Variants in CCT6B observed in about 807,000 individuals in gnomAD.
The protein encoded by CCT6B is chaperonin containing TCP1 subunit 6B, also known as probable T-complex protein 1 subunit zeta-2.
Under a neutral mutation model 61.5 loss-of-function variants are expected in CCT6B, and 49 were observed. The observed-to-expected ratio is 0.80, with a 90% CI of 0.63 to 1.01. The LOEUF is 1.01. Ranked by LOEUF, CCT6B falls within the 50% of genes least tolerant of loss-of-function variation. The pLI, the probability that CCT6B is intolerant of heterozygous loss-of-function variation, is 0.00. For missense variants in CCT6B, 666 were observed against 634.7 expected (o/e 1.05, Z -0.53); for synonymous variants, 228 against 214.5 (o/e 1.06, Z -0.55).
intron 3 of CCT6B, among the ~76,000 whole-genome samples, chr17:34,956,398 T>G (rs2142180946): frequency 6.6e-6 from 1 of 152,338 alleles, no homozygotes; most frequent in South Asian, 2.1e-4. Flanking sequence ...CAGAGAGTTC[T>G]TCCTGACTAC....
chr17:34,931,612 T>G (rs1397944138), intron 11 of CCT6B, among the ~76,000 whole-genome samples: 1 of 152,188 alleles, frequency 6.6e-6, no homozygotes, highest in African/African-American at 2.4e-5. Context: ...TAATGTGTAC[T>G]GGGGTTACCA....
At chr17:34,928,264 C>T (rs1388538970) in intron 13 of CCT6B, 147 bp from the exon 14 acceptor site, 1 of 466,718 alleles carries the variant, frequency 2.1e-6, no homozygotes, top group Non-Finnish European at 3.9e-6. Flanking sequence ...AATACAAATA[C>T]AAATGTCACC....
intron 10 of CCT6B, among the ~76,000 whole-genome samples, chr17:34,938,037 A>G (rs1174519665): frequency 6.6e-6 from 1 of 151,878 alleles, no homozygotes; most frequent in African/African-American, 2.4e-5. Flanking sequence ...CTACAGGTAC[A>G]GGCCACCACG....
At chr17:34,941,643 T>C (rs1294295757) in intron 7 of CCT6B, among the ~76,000 whole-genome samples, 1 of 152,214 alleles carries the variant, frequency 6.6e-6, no homozygotes, top group Non-Finnish European at 1.5e-5. Context: ...AACCACAGTT[T>C]GTCTGTCAGT....
At chr17:34,940,060 A>G (rs1450234606) in intron 8 of CCT6B, among the ~76,000 whole-genome samples, 1 of 152,218 alleles carries the variant, frequency 6.6e-6, no homozygotes, top group Non-Finnish European at 1.5e-5. Context: ...GATTTTTAAA[A>G]AGAACAATAT....
intron 3 of CCT6B, among the ~76,000 whole-genome samples, chr17:34,957,119 TCTTTTTCTTTC>T (rs1189103106): frequency 3.4e-5 from 5 of 148,392 alleles, no homozygotes; most frequent in African/African-American, 1.0e-4. Context: ...AGTCTTACTT[TCTTTTTCTTTC>T]CTTTTTCTTT....
At chr17:34,946,008 CA>C (rs2090219749) in intron 5 of CCT6B, among the ~76,000 whole-genome samples, 1 of 152,160 alleles carries the variant, frequency 6.6e-6, no homozygotes, top group Admixed American at 6.5e-5. Context: ...AGAGCTCATC[CA>C]AGGTGGAGTG....
Position 34,961,425 on chromosome 17 carries a change from AG to A in CCT6B, c.-33del, listed in dbSNP as rs1235015473. ...ACCGTTCAGAGGGAGAAAAAAAAAAAGCCTTAGTCGCGATTCTGAGCAAAAA... is the reference window on the plus strand; with the variant it reads ...ACCGTTCAGAGGGAGAAAAAAAAAAACCTTAGTCGCGATTCTGAGCAAAAA... On this transcript the variant is annotated 5_prime_UTR_variant, in exon 1 of 14. Coordinates refer to ENST00000314144, the MANE Select transcript of CCT6B (RefSeq NM_006584.4). 2 of 1,563,200 alleles carry A rather than the reference AG, an allele frequency of 1.3e-6. No homozygotes were observed. The highest frequency in any genetic ancestry group is 2.8e-5 in the African/African-American group (2 of 72,402).
chr17:34,948,400 T>C (rs1461590045), intron 5 of CCT6B, among the ~76,000 whole-genome samples: 1 of 152,074 alleles, frequency 6.6e-6, no homozygotes, highest in African/African-American at 2.4e-5. Context: ...TACACAAAGA[T>C]ATGACAGGCA....
At chr17:34,937,462 G>A (rs934899535) in intron 10 of CCT6B, among the ~76,000 whole-genome samples, 5 of 152,024 alleles carry the variant, frequency 3.3e-5, no homozygotes, top group African/African-American at 4.8e-5. Flanking sequence ...AAGGCAATTC[G>A]GTGGTGAAAG....
chr17:34,942,285 G>A (rs2090172497), intron 7 of CCT6B, among the ~76,000 whole-genome samples, 199 bp downstream of exon 7: 1 of 151,904 alleles, frequency 6.6e-6, no homozygotes, highest in African/African-American at 2.4e-5. Context: ...TAAGGTGCCA[G>A]CAGTTTTACA....
At chr17:34,928,191 T>C (rs2089991007) in intron 13 of CCT6B, 74 bp from the exon 14 acceptor site, 4 of 849,266 alleles carry the variant, frequency 4.7e-6, no homozygotes, top group Non-Finnish European at 7.7e-6. Flanking sequence ...AATCTTTACC[T>C]ATGTAGGGTA....
intron 7 of CCT6B, among the ~76,000 whole-genome samples, chr17:34,942,091 CATA>C (rs915562027): frequency 1.7e-4 from 25 of 149,550 alleles, no homozygotes; most frequent in African/African-American, 6.1e-4. Context: ...TTTTGTCACA[CATA>C]ATAATAAAAG....
chr17:34,960,719 C>T (rs1350701266), intron 1 of CCT6B, among the ~76,000 whole-genome samples: 9 of 152,116 alleles, frequency 5.9e-5, no homozygotes, highest in Non-Finnish European at 1.3e-4. Context: ...TACCCTTTTG[C>T]CCTCACTGGT....
chr17:34,933,891 G>A (rs2090065061), intron 10 of CCT6B, among the ~76,000 whole-genome samples: 1 of 152,092 alleles, frequency 6.6e-6, no homozygotes, highest in African/African-American at 2.4e-5. Flanking sequence ...CACTTTGGGA[G>A]GCCAAGGCAG....
At position 34,942,495 on chromosome 17, in the gene CCT6B, T is replaced by G; in HGVS notation, c.874A>C (p.Ile292Leu). The G allele has an allele frequency of 6.3e-7, 1 of 1,588,434 alleles. No individual in the cohort carries two copies. Among genetic ancestry groups the G allele is most frequent in the Non-Finnish European group, 8.5e-7 (1 of 1,173,390 alleles). Residue 292 changes from isoleucine (I) to leucine (L), a missense_variant, in exon 7 of 14, where the codon ATT becomes CTT. Coordinates refer to ENST00000314144, the MANE Select transcript of CCT6B (RefSeq NM_006584.4). ...CAQSNKGFVV[I>L]NQKGIDPFSL... ...ACTTTCTTTCTCACCTTTTGATTAA[T>G]GACGACAAATCCTTTATTTGACTGA...
chr17:34,945,972 T>C (rs551446012), intron 5 of CCT6B, among the ~76,000 whole-genome samples: 2 of 152,156 alleles, frequency 1.3e-5, no homozygotes, highest in African/African-American at 4.8e-5. Context: ...GTCTTCACAA[T>C]GAGAAGAAAA....
chr17:34,939,501 G>T, intron 9 of CCT6B, 116 bp downstream of exon 9: 1 of 851,170 alleles, frequency 1.2e-6, no homozygotes, highest in Non-Finnish European at 1.8e-6. Flanking sequence ...TGTAAAATCT[G>T]TTCTGTGAAT....
At chr17:34,934,259 A>G (rs1325015015) in intron 10 of CCT6B, among the ~76,000 whole-genome samples, 1 of 152,242 alleles carries the variant, frequency 6.6e-6, no homozygotes, top group African/African-American at 2.4e-5. Flanking sequence ...GAGAAAATTT[A>G]TATCACTACA....
Sources: gnomAD v4.1 joint callset for allele counts (sites outside exome capture counted in the v4.1 genomes callset) on GRCh38, gnomAD v4.1.1 for gene constraint, MANE v1.5 for transcripts, NCBI Gene and HGNC (gene_info 2026-07-23, HGNC 2026-07-21) for gene names.